PPP2R2C: variants seen among roughly 807,000 people sequenced by gnomAD.
PPP2R2C encodes the protein protein phosphatase 2, regulatory subunit B, gamma.
A neutral mutation model predicts 45.3 loss-of-function variants in PPP2R2C; 10 were observed. The ratio of observed to expected loss-of-function variants is 0.22; its 90% CI spans 0.14 to 0.37. PPP2R2C has a LOEUF of 0.37. PPP2R2C is among the 10% of genes least tolerant of loss of function. The pLI, the probability that PPP2R2C is intolerant of heterozygous loss-of-function variation, is 1.00. For synonymous variants in PPP2R2C, 257 were observed against 245.4 expected (o/e 1.05, Z -0.44); for missense variants, 308 against 619.7 (o/e 0.50, Z 5.34).
intron 1 of PPP2R2C, among the ~76,000 whole-genome samples, chr4:6,446,419 A>G (rs1398207064): frequency 6.6e-6 from 1 of 152,090 alleles, no homozygotes; most frequent in East Asian, 1.9e-4. Flanking sequence ...CAGGAGGGGC[A>G]GCCAGGCCAC....
chr4:6,490,799 T>C (rs995994893), intron 2 of PPP2R2C, among the ~76,000 whole-genome samples: 17 of 152,194 alleles, frequency 1.1e-4, no homozygotes, highest in African/African-American at 4.1e-4. Context: ...CCCGCTCCCA[T>C]GCCGCACCCT....
At chr4:6,367,383 G>T (rs1331343401) in intron 5 of PPP2R2C, among the ~76,000 whole-genome samples, 5 of 152,060 alleles carry the variant, frequency 3.3e-5, no homozygotes, top group African/African-American at 1.2e-4. Context: ...ACCCCAGAGA[G>T]CAGGGGTCAG....
intron 1 of PPP2R2C, among the ~76,000 whole-genome samples, chr4:6,462,916 T>C (rs562147916): frequency 2.0e-4 from 31 of 152,290 alleles, no homozygotes; most frequent in African/African-American, 6.7e-4. Context: ...GCAAAGAAGT[T>C]TCTCCTCTTG....
At chr4:6,452,201 A>G (rs1318416149) in intron 1 of PPP2R2C, among the ~76,000 whole-genome samples, 3 of 152,108 alleles carry the variant, frequency 2.0e-5, no homozygotes, top group Non-Finnish European at 4.4e-5. Flanking sequence ...CCAAACGGAC[A>G]CTGCCACCTC....
upstream of PPP2R2C, among the ~76,000 whole-genome samples, chr4:6,474,762 G>T (rs1454829589): frequency 6.9e-6 from 1 of 144,032 alleles, no homozygotes; most frequent in Non-Finnish European, 1.5e-5. Flanking sequence ...GCAGTGTCTG[G>T]GCTCCTCCAC....
At chr4:6,476,438 G>C (rs79400524), upstream of PPP2R2C, among the ~76,000 whole-genome samples, 675 of 152,278 alleles carry the variant, frequency 4.4e-3, 1 homozygote, top group Non-Finnish European at 6.7e-3. Flanking sequence ...AAGAAGAGAC[G>C]TGAGAGAGTT....
At chr4:6,405,348 T>G (rs1212597031) in intron 1 of PPP2R2C, among the ~76,000 whole-genome samples, 1 of 152,172 alleles carries the variant, frequency 6.6e-6, no homozygotes, top group Non-Finnish European at 1.5e-5. Context: ...GGAAGCTCAG[T>G]GCCCTAAACC....
intron 1 of PPP2R2C, among the ~76,000 whole-genome samples, chr4:6,446,813 A>G (rs1357741391): frequency 6.6e-6 from 1 of 151,988 alleles, no homozygotes; most frequent in African/African-American, 2.4e-5. Flanking sequence ...AGATGACAAA[A>G]GGGAGGCTCA....
chr4:6,381,842 C>A, intron 1 of PPP2R2C: 1 of 1,613,788 alleles, frequency 6.2e-7, no homozygotes. Flanking sequence ...AAAAGACAGC[C>A]CCATCTCCAG....
At position 6,337,843 on chromosome 4, in the gene PPP2R2C, C is replaced by T. The variant is rs574022795; in HGVS notation, c.791-4112G>A. ...GGGCATTTCTGAGGGTTTTTAAGGA[C>T]ACAAGGAACAGGAATGCAAACGATA... is the stretch of plus-strand genomic sequence containing the variant. On this transcript the variant is annotated intron_variant, in intron 6 of 8. Transcript: ENST00000382599. 2.0e-4 allele frequency among the ~76,000 whole-genome samples: 30 copies of T among 152,298 alleles called. No homozygotes were observed. In the South Asian group the frequency reaches 5.0e-3, roughly 25 times the overall value.
At chr4:6,542,741 T>C (rs1009036481) in intron 1 of PPP2R2C, among the ~76,000 whole-genome samples, 3 of 137,358 alleles carry the variant, frequency 2.2e-5, no homozygotes, top group Non-Finnish European at 4.8e-5. Context: ...TCATGCTAGA[T>C]TACTGTGAAA....
At chr4:6,478,508 T>C (rs756901363) in intron 2 of PPP2R2C, among the ~76,000 whole-genome samples, 1 of 67,306 alleles carries the variant, frequency 1.5e-5, no homozygotes, top group Non-Finnish European at 3.3e-5. Context: ...AGTCCTTAAT[T>C]GAGTACAAAT....
chr4:6,384,532 A>G, intron 1 of PPP2R2C: 4 of 977,194 alleles, frequency 4.1e-6, no homozygotes, highest in Non-Finnish European at 4.9e-6. Flanking sequence ...AAAACGCTGC[A>G]CATACTTAAT....
intron 2 of PPP2R2C, among the ~76,000 whole-genome samples, chr4:6,493,198 G>A (rs1047539989): frequency 4.6e-5 from 7 of 151,984 alleles, no homozygotes; most frequent in African/African-American, 1.2e-4. Context: ...CAACCAGCAC[G>A]CCTGCCATCC....
intron 4 of PPP2R2C, among the ~76,000 whole-genome samples, chr4:6,375,059 G>A (rs1187505276): frequency 6.6e-6 from 1 of 152,062 alleles, no homozygotes; most frequent in Non-Finnish European, 1.5e-5. Flanking sequence ...CAAACACCAG[G>A]GTGATCAAGA....
intron 1 of PPP2R2C, among the ~76,000 whole-genome samples, chr4:6,398,128 C>T (rs1202872703): frequency 6.6e-6 from 1 of 152,204 alleles, no homozygotes; most frequent in Non-Finnish European, 1.5e-5. Context: ...CATTGAAATG[C>T]ATCATCTACC....
chr4:6,356,821 G>C (rs1224845341), intron 5 of PPP2R2C, among the ~76,000 whole-genome samples: 2 of 152,214 alleles, frequency 1.3e-5, no homozygotes, highest in African/African-American at 2.4e-5. Context: ...TGCGTCATCT[G>C]AGGCTCAGGG....
intron 1 of PPP2R2C, among the ~76,000 whole-genome samples, chr4:6,537,959 TA>T (rs1724685799): frequency 6.6e-6 from 1 of 152,078 alleles, no homozygotes; most frequent in Admixed American, 6.5e-5. Flanking sequence ...GGAAGCAGAA[TA>T]GGGGTTACCA....
Position 6,561,381 on chromosome 4 carries a change from A to C in PPP2R2C, c.-59+2179T>G, listed in dbSNP as rs565692966. On this transcript the variant is annotated intron_variant, in intron 1 of 9. Coordinates refer to the PPP2R2C transcript ENST00000506140. ...GGAGAAAGTGAGCACTTTTAACCACACTTTCCCCTACTTTTTGAACACAGG... is the reference window on the plus strand; with the variant it reads ...GGAGAAAGTGAGCACTTTTAACCACCCTTTCCCCTACTTTTTGAACACAGG... Among the ~76,000 whole-genome samples, 3 of 150,228 alleles carry C rather than the reference A, an allele frequency of 2.0e-5. No individual in the cohort carries two copies. In the South Asian group the frequency reaches 6.3e-4, roughly 32 times the overall value.
Sources: allele counts gnomAD v4.1 joint callset (sites outside exome capture counted in the v4.1 genomes callset), GRCh38; gene constraint gnomAD v4.1.1; transcripts MANE v1.5; gene names NCBI Gene and HGNC (gene_info 2026-07-23, HGNC 2026-07-21).